Variants in TEX11 observed in about 807,000 individuals in gnomAD.
TEX11 encodes testis expressed 11, also known as testis-expressed protein 11.
TEX11 carries 7 observed loss-of-function variants against 84.4 expected under a neutral mutation model. That is an observed-to-expected ratio of 0.08 (90% CI 0.05 to 0.16). TEX11 has a LOEUF of 0.16. Among genes scored for constraint, TEX11 ranks in the 10% least tolerant of loss-of-function variants. The pLI is 1.00. For synonymous variants in TEX11, 264 were observed against 222.8 expected (o/e 1.18, Z -1.64); for missense variants, 551 against 660.5 (o/e 0.83, Z 1.82).
At chrX:70,890,485 C>A (rs757646917) in intron 2 of TEX11, among the ~76,000 whole-genome samples, 1 of 112,192 alleles carries the variant, frequency 8.9e-6, no homozygotes, top group African/African-American at 3.2e-5. Flanking sequence ...CCTGGAAAAA[C>A]GGGACACTCC....
rs751207041 is a variant in TEX11, at chrX:70,682,658, C to T, written c.1156+16G>A. ...AATTAATACGTTTCTAAAACACTTG[C>T]GAAAATCCTACTGACCTAAAAAGAT... is the stretch of plus-strand genomic sequence containing the variant. On this transcript the variant is annotated intron_variant, in intron 14 of 29. Transcript: ENST00000374333. The T allele has an allele frequency of 3.3e-6, 4 of 1,203,874 alleles. No homozygotes were observed. The South Asian group carries it at 5.4e-5, about 16-fold the overall frequency.
intron 11 of TEX11, among the ~76,000 whole-genome samples, chrX:70,732,775 T>C (rs1349465130): frequency 2.7e-5 from 3 of 111,618 alleles, no homozygotes; most frequent in African/African-American, 9.8e-5. Flanking sequence ...TACCAATGAC[T>C]TTCTTCACAG....
intron 9 of TEX11, among the ~76,000 whole-genome samples, chrX:70,745,632 A>C (rs12560028): frequency 9.0e-6 from 1 of 111,628 alleles, no homozygotes; most frequent in South Asian, 3.7e-4. Flanking sequence ...TACTTGGGAG[A>C]CTGAGGCATG....
At chrX:70,624,459 T>A (rs2089428823) in intron 19 of TEX11, among the ~76,000 whole-genome samples, 2 of 111,760 alleles carry the variant, frequency 1.8e-5, no homozygotes, top group Non-Finnish European at 3.8e-5. Context: ...TTGGTAAAGT[T>A]TTAAAACCTA....
intron 20 of TEX11, among the ~76,000 whole-genome samples, chrX:70,615,136 A>G (rs1603145626): frequency 9.0e-6 from 1 of 111,141 alleles, no homozygotes; most frequent in Middle Eastern, 4.6e-3. Flanking sequence ...GTGCCCAGAT[A>G]CTGATGAACA....
At chrX:70,870,580 C>A (rs1300488880) in intron 4 of TEX11, among the ~76,000 whole-genome samples, 1 of 111,567 alleles carries the variant, frequency 9.0e-6, no homozygotes, top group Non-Finnish European at 1.9e-5. Context: ...CGTGATCCAC[C>A]TGCTTCAGCC....
chrX:70,743,871 A>AACACACACACACAC (rs60520158), intron 10 of TEX11, among the ~76,000 whole-genome samples: 7 of 87,721 alleles, frequency 8.0e-5, no homozygotes, highest in Non-Finnish European at 1.1e-4. Flanking sequence ...TCTATCTCAA[A>AACACACACACACAC]ACACACACAC....
At chrX:70,670,555 C>T (rs1280522914) in intron 15 of TEX11, 41 bp from the exon 16 acceptor site, 32 of 1,151,446 alleles carry the variant, frequency 2.8e-5, no homozygotes, top group Non-Finnish European at 3.1e-5. Context: ...AGCGATGTCG[C>T]TACCCTATCT....
chrX:70,707,383 T>C (rs752798076), intron 13 of TEX11, among the ~76,000 whole-genome samples: 2 of 111,145 alleles, frequency 1.8e-5, no homozygotes, highest in Admixed American at 1.9e-4. Context: ...GCATAAACGA[T>C]ACTAAATACT....
intron 11 of TEX11, among the ~76,000 whole-genome samples, chrX:70,737,970 A>G (rs1426948582): frequency 8.9e-6 from 1 of 111,882 alleles, no homozygotes; most frequent in Non-Finnish European, 1.9e-5. Context: ...TTAAAGACTT[A>G]AATGTAAAAC....
At chrX:70,697,542 T>A (rs2090290704) in intron 13 of TEX11, among the ~76,000 whole-genome samples, 1 of 112,232 alleles carries the variant, frequency 8.9e-6, no homozygotes, top group Non-Finnish European at 1.9e-5. Flanking sequence ...AATTTACTCT[T>A]AGACATAGCT....
At chrX:70,649,939 G>A (rs776037056) in intron 17 of TEX11, among the ~76,000 whole-genome samples, 105 of 111,465 alleles carry the variant, frequency 9.4e-4, no homozygotes, top group Non-Finnish European at 1.6e-3. Flanking sequence ...TCCATACTGT[G>A]GTATTTCCAT....
intron 9 of TEX11, among the ~76,000 whole-genome samples, chrX:70,750,933 A>AAAATATATATAT (rs1390175136): frequency 1.2e-3 from 34 of 28,168 alleles, no homozygotes; most frequent in South Asian, 2.5e-3. Flanking sequence ...AAAAAAAAAA[A>AAAATATATATAT]ATATATATAT....
rs761705376 is a variant in TEX11, at chrX:70,572,081, T to A, written c.2141-17281A>T. 1.0e-4 allele frequency among the ~76,000 whole-genome samples: 11 copies of A among 110,291 alleles called. No individual in the cohort carries two copies. The South Asian group carries it at 4.3e-3, about 43-fold the overall frequency. ...AACAGGCAACCTACAGAATGGGAGA[T>A]AATTTTTGCAATCTACTCATCTGAC... is the stretch of plus-strand genomic sequence containing the variant. On this transcript the variant is annotated intron_variant, in intron 25 of 29. Transcript: ENST00000374333.
chrX:70,534,728 A>G (rs1317134733), intron 28 of TEX11, among the ~76,000 whole-genome samples: 1 of 112,058 alleles, frequency 8.9e-6, no homozygotes, highest in Non-Finnish European at 1.9e-5. Context: ...TAGGCTCTCC[A>G]TAGATTCCCA....
intron 11 of TEX11, among the ~76,000 whole-genome samples, chrX:70,732,016 T>C (rs999773467): frequency 1.8e-5 from 2 of 112,060 alleles, no homozygotes; most frequent in Admixed American, 9.4e-5. Flanking sequence ...AATCAATAAA[T>C]GTAATCCAGC....
At chrX:70,766,239 C>G in intron 9 of TEX11, among the ~76,000 whole-genome samples, 1 of 110,264 alleles carries the variant, frequency 9.1e-6, no homozygotes, top group African/African-American at 3.3e-5. Context: ...TGGTGAAACC[C>G]TGGCTCTACT....
intron 11 of TEX11, among the ~76,000 whole-genome samples, chrX:70,739,026 G>A (rs2090716197): frequency 9.0e-6 from 1 of 110,881 alleles, no homozygotes; most frequent in South Asian, 3.9e-4. Flanking sequence ...CTAGGTGACG[G>A]GTTGATAGGT....
At chrX:70,690,841 T>A (rs1055345172) in intron 13 of TEX11, among the ~76,000 whole-genome samples, 1 of 110,491 alleles carries the variant, frequency 9.1e-6, no homozygotes, top group East Asian at 2.8e-4. Flanking sequence ...AGAAAGAAAT[T>A]GGCAGCATAG....
Sources: allele counts gnomAD v4.1 joint callset (sites outside exome capture counted in the v4.1 genomes callset), GRCh38; gene constraint gnomAD v4.1.1; transcripts MANE v1.5; gene names NCBI Gene and HGNC (gene_info 2026-07-23, HGNC 2026-07-21).